SPG7: variants seen among roughly 807,000 people sequenced by gnomAD.
The protein encoded by SPG7 is mitochondrial inner membrane m-AAA protease component paraplegin.
SPG7 carries 103 observed loss-of-function variants against 81.9 expected under a neutral mutation model. The ratio of observed to expected loss-of-function variants is 1.26; its 90% CI spans 1.07 to 1.48. The LOEUF is 1.48. SPG7 is among the 40% of genes most tolerant of loss of function. The pLI, the probability that SPG7 is intolerant of heterozygous loss-of-function variation, is 0.00. For missense variants in SPG7, 1,241 were observed against 1,087.3 expected (o/e 1.14, Z -1.99); for synonymous variants, 534 against 444.2 (o/e 1.20, Z -2.54).
At chr16:89,546,798 C>T in intron 11 of SPG7, 38 bp downstream of exon 11, 2 of 1,408,864 alleles carry the variant, frequency 1.4e-6, no homozygotes, top group South Asian at 1.1e-5. Context: ...GCGTCACGTC[C>T]TGAGGGCAGG....
intron 3 of SPG7, chr16:89,518,477 A>G (rs2058134061): frequency 6.6e-6 from 1 of 152,166 alleles, no homozygotes; most frequent in Admixed American, 6.5e-5. Context: ...CCTGGAAGGA[A>G]TTACACGGAG....
In SPG7 at chr16:89,532,080, T is replaced by C. The variant is rs200914012; in HGVS notation, c.1150+14T>C. The C allele has an allele frequency of 1.9e-6, 3 of 1,610,716 alleles. No homozygotes were observed. The highest frequency in any genetic ancestry group is 3.3e-5 in the Admixed American group (2 of 59,994). On this transcript the variant is annotated intron_variant, in intron 8 of 16. Transcript: ENST00000645818. Reference sequence around the variant, plus strand: ...AGGTCATTGGAGGTAGGTGCTGTGGTTGGGGGCTGTGGGTGGGCTTGGCTG... The same window carrying C: ...AGGTCATTGGAGGTAGGTGCTGTGGCTGGGGGCTGTGGGTGGGCTTGGCTG...
chr16:89,526,465 G>A lies in SPG7; in HGVS notation c.755G>A (p.Gly252Glu). ...PVSYKRTGFFGNALYSVGMTA... is the reference protein window; with the variant it reads ...PVSYKRTGFFENALYSVGMTA... ...TCCTACAAGCGAACAGGATTCTTTG[G>A]AAAGTATGTTGGATGTATTTGTTGA... Residue 252 changes from glycine to glutamate, a missense_variant, in exon 5 of 17, where the codon GGA (glycine) becomes GAA (glutamate). By Grantham distance (98) the Gly-to-Glu change is moderately conservative (BLOSUM62 -2). Coordinates refer to ENST00000645818, the MANE Select transcript of SPG7 (RefSeq NM_003119.4). 6.2e-7 allele frequency: 1 copy of A among 1,614,170 alleles called. No homozygotes were observed. Among genetic ancestry groups the A allele is most frequent in the Non-Finnish European group, 8.5e-7 (1 of 1,180,028 alleles).
Position 89,532,510 on chromosome 16 carries a change from C to A in SPG7, c.1198C>A (p.Arg400=), listed in dbSNP as rs748024868. The change falls in exon 9 of 17, where the codon CGG becomes AGG. Residue 400 remains arginine, a synonymous_variant. Coordinates refer to ENST00000645818, the MANE Select transcript of SPG7 (RefSeq NM_003119.4). ...GAGCCTCTTTAAGGAAGCCCGAGCC[C>A]GGGCCCCCTGCATCGTCTACATCGA... ...VRSLFKEARA[R]APCIVYIDEI... is the part of the protein sequence containing the mutation. The A allele has an allele frequency of 1.2e-6, 2 of 1,613,640 alleles. No individual in the cohort carries two copies. The highest frequency in any genetic ancestry group is 8.5e-7 in the Non-Finnish European group (1 of 1,180,046).
intron 4 of SPG7, among the ~76,000 whole-genome samples, chr16:89,525,106 C>T (rs113048204): frequency 2.6e-5 from 4 of 151,758 alleles, no homozygotes; most frequent in South Asian, 2.1e-4. Context: ...ATGGCAGGCG[C>T]GCACCACCAC....
chr16:89,550,983 C>T (rs907282796), intron 13 of SPG7, among the ~76,000 whole-genome samples: 1 of 152,194 alleles, frequency 6.6e-6, no homozygotes, highest in African/African-American at 2.4e-5. Flanking sequence ...TTAAAAAATA[C>T]TATTCTAGGC....
Position 89,537,206 on chromosome 16 carries a change from A to T in SPG7, c.1324+4570A>T. ...GCCGACGCTGTGCCGGTCGTGGGGA[A>T]ATCTCACTGGGGAAGAGAAAAGCCC... On this transcript the variant is annotated intron_variant, in intron 9 of 16. Transcript: ENST00000645818. 3 of 1,429,626 alleles carry T rather than the reference A, an allele frequency of 2.1e-6. No homozygotes were observed. The South Asian group carries it at 4.6e-5, about 22-fold the overall frequency. The allele number at this position is 1,429,626 out of a possible 1,614,324, so 88.6% of individuals were successfully genotyped here.
chr16:89,532,772 G>GAAAAA, intron 9 of SPG7, 136 bp downstream of exon 9: 2 of 813,650 alleles, frequency 2.5e-6, no homozygotes, highest in Non-Finnish European at 3.8e-6. Context: ...TCTGTCTCAA[G>GAAAAA]AAAAAAAAAA....
intron 12 of SPG7, 80 bp from the exon 13 acceptor site, chr16:89,550,413 TC>T: frequency 2.1e-6 from 2 of 945,192 alleles, no homozygotes. Context: ...CCTCAGGTCA[TC>T]CGCCCGCCTT....
intron 10 of SPG7, chr16:89,546,015 TC>T (rs2058559073): frequency 2.5e-6 from 1 of 396,300 alleles, no homozygotes; most frequent in African/African-American, 2.1e-5. Flanking sequence ...TAACAGAGTC[TC>T]GCTGTGTTGC....
intron 16 of SPG7, 127 bp from the exon 17 acceptor site, chr16:89,556,760 G>C: frequency 2.6e-6 from 2 of 782,310 alleles, no homozygotes; most frequent in South Asian, 1.4e-5. Context: ...CCGCTTCCCT[G>C]GGAAAGTGGC....
At chr16:89,545,533 G>A (rs1378554347) in intron 10 of SPG7, 5 of 199,680 alleles carry the variant, frequency 2.5e-5, no homozygotes, top group South Asian at 7.3e-5. Flanking sequence ...AGGGGACACT[G>A]CTTCTCCAGG....
rs2058696889 is a variant in SPG7 at position 89,557,265 on chromosome 16, T to G, written c.*172T>G. On this transcript the variant is annotated 3_prime_UTR_variant, in exon 17 of 17. Transcript: ENST00000645818. ...GACCCTTTTCATGATTTTAAGTTTC[T>G]CTGCAGAAACTACTGACGGAGTCCT... 1.6e-6 allele frequency: 1 copy of G among 607,088 alleles called. No homozygotes were observed. Among genetic ancestry groups the G allele is most frequent in the Middle Eastern group, 4.3e-4 (1 of 2,306 alleles). The allele number at this position is 607,088 out of a possible 1,614,324, so 37.6% of individuals were successfully genotyped here.
At chr16:89,532,770 A>G (rs1349577966) in intron 9 of SPG7, 134 bp downstream of exon 9, 2 of 1,035,544 alleles carry the variant, frequency 1.9e-6, no homozygotes, top group Non-Finnish European at 1.4e-6. Context: ...ACTCTGTCTC[A>G]AGAAAAAAAA....
intron 9 of SPG7, among the ~76,000 whole-genome samples, chr16:89,542,812 C>G (rs934606770): frequency 6.6e-6 from 1 of 152,116 alleles, no homozygotes; most frequent in African/African-American, 2.4e-5. Context: ...TCATAGCTCA[C>G]TGCAGCCTTC....
At chr16:89,546,045 C>T (rs985632116) in intron 10 of SPG7, 2 of 356,972 alleles carry the variant, frequency 5.6e-6, no homozygotes, top group Non-Finnish European at 1.1e-5. Flanking sequence ...GTGTCAAACC[C>T]CTGGCCTCAA....
In SPG7 at chr16:89,557,456, G is replaced by A. The variant is rs1252576231; in HGVS notation, c.*363G>A. 7 of 308,788 alleles carry A rather than the reference G, an allele frequency of 2.3e-5. No individual in the cohort carries two copies. Among genetic ancestry groups the A allele is most frequent in the Non-Finnish European group, 3.7e-5 (6 of 160,386 alleles). 19.1% of individuals were successfully genotyped at this position (308,788 alleles called of 1,614,324 possible). A position where few individuals can be genotyped will look rare whatever the true frequency, so the allele number is the denominator to read the frequency against. On this transcript the variant is annotated 3_prime_UTR_variant, in exon 17 of 17. Coordinates refer to ENST00000645818, the MANE Select transcript of SPG7 (RefSeq NM_003119.4). ...CAAACAGACCCCTGTTCATGCCGAC[G>A]CTTGCACGACCGCCCCAGTTCCTGT...
chr16:89,540,042 C>T (rs1204961211), intron 9 of SPG7: 1 of 152,534 alleles, frequency 6.6e-6, no homozygotes, highest in Admixed American at 6.5e-5. Context: ...GTGCTTGCAC[C>T]TTTGCCGGAG....
In SPG7 at chr16:89,516,523, C is replaced by G. The variant is rs148554155; in HGVS notation, c.376+3486C>G. Among the ~76,000 whole-genome samples, 428 of 152,074 alleles carry G rather than the reference C, an allele frequency of 2.8e-3. 3 individuals carry two copies. Among genetic ancestry groups the G allele is most frequent in the Middle Eastern group, 6.8e-3 (2 of 294 alleles). ...CTGAGATTGTGCCATTGCACTTCAG[C>G]CTGGATAATAGAGTGAGACCTTTCT... is the stretch of plus-strand genomic sequence containing the variant. On this transcript the variant is annotated intron_variant, in intron 3 of 16. Coordinates refer to ENST00000645818, the MANE Select transcript of SPG7 (RefSeq NM_003119.4).
Sources: allele counts gnomAD v4.1 joint callset (sites outside exome capture counted in the v4.1 genomes callset), GRCh38; gene constraint gnomAD v4.1.1; transcripts MANE v1.5; gene names NCBI Gene and HGNC (gene_info 2026-07-23, HGNC 2026-07-21).